ASIC2: variants seen among roughly 807,000 people sequenced by gnomAD.
ASIC2 encodes acid sensing ion channel subunit 2.
Under a neutral mutation model 57.3 loss-of-function variants are expected in ASIC2, and 25 were observed. The ratio of observed to expected loss-of-function variants is 0.44; its 90% CI spans 0.32 to 0.61. The LOEUF (loss-of-function observed/expected upper bound fraction) is 0.61. ASIC2 is among the 20% of genes least tolerant of loss of function. ASIC2 has a pLI of 0.06. For synonymous variants in ASIC2, 319 were observed against 307.5 expected, an observed-to-expected ratio of 1.04 and a Z score of -0.39; for missense variants, 641 against 738.1, an observed-to-expected ratio of 0.87 and a Z score of 1.52.
intron 1 of ASIC2, among the ~76,000 whole-genome samples, chr17:33,739,897 A>G (rs4283267): frequency 7.1e-6 from 1 of 141,278 alleles, no homozygotes; most frequent in East Asian, 2.1e-4. Context: ...AAAGAAAAGA[A>G]AAAAGAGAAA....
chr17:34,147,689 G>T (rs1396622807), intron 1 of ASIC2, among the ~76,000 whole-genome samples: 2 of 152,188 alleles, frequency 1.3e-5, no homozygotes, highest in African/African-American at 4.8e-5. Flanking sequence ...CTTGGTCTCA[G>T]GTTGTAATAG....
rs531772483 is a variant in ASIC2, at chr17:33,013,225, A to T, written c.*740T>A. The T allele has an allele frequency of 2.0e-5, 3 of 152,470 alleles. No individual in the cohort carries two copies. Among genetic ancestry groups the T allele is most frequent in the African/African-American group, 7.2e-5 (3 of 41,582 alleles). The allele number at this position is 152,470 out of a possible 1,614,324, so 9.4% of individuals were successfully genotyped here. A position where few individuals can be genotyped will look rare whatever the true frequency, so the allele number is the denominator to read the frequency against. ...GCATAAAATGAAGCAAAACAAAACA[A>T]ATCTCCATCGGACAAACATAAAAGC... On this transcript the variant is annotated 3_prime_UTR_variant, in exon 10 of 10. Transcript: ENST00000225823.
intron 1 of ASIC2, among the ~76,000 whole-genome samples, chr17:33,367,987 A>G (rs1224743177): frequency 3.3e-5 from 5 of 152,218 alleles, no homozygotes; most frequent in Admixed American, 3.3e-4. Context: ...AGACAGTACC[A>G]CAGAGAGAAG....
chr17:33,578,338 T>C (rs543704950), intron 1 of ASIC2, among the ~76,000 whole-genome samples: 15 of 152,328 alleles, frequency 9.8e-5, no homozygotes, highest in Middle Eastern at 3.4e-3. Flanking sequence ...CAAGCTGACA[T>C]TTCAATTCTC....
intron 1 of ASIC2, among the ~76,000 whole-genome samples, chr17:33,550,256 C>T (rs1247647004): frequency 6.6e-6 from 1 of 152,190 alleles, no homozygotes; most frequent in East Asian, 1.9e-4. Flanking sequence ...CGATCTCAAG[C>T]AGTGTTGTTC....
intron 1 of ASIC2, among the ~76,000 whole-genome samples, chr17:33,192,016 C>T (rs542816799): frequency 6.6e-6 from 1 of 152,294 alleles, no homozygotes; most frequent in African/African-American, 2.4e-5. Flanking sequence ...GTTTTCTACT[C>T]CTTCCCCACT....
intron 1 of ASIC2, among the ~76,000 whole-genome samples, chr17:33,410,815 C>T (rs941880488): frequency 2.0e-5 from 3 of 152,160 alleles, no homozygotes; most frequent in Non-Finnish European, 4.4e-5. Context: ...TCCTCTGTAG[C>T]TCTTTGTGGG....
intron 1 of ASIC2, among the ~76,000 whole-genome samples, chr17:33,689,859 G>A (rs1908312999): frequency 1.3e-5 from 2 of 152,192 alleles, no homozygotes; most frequent in African/African-American, 2.4e-5. Context: ...CACAAGCCAA[G>A]GAAGCTAAGT....
chr17:33,571,674 T>A (rs143250693), intron 1 of ASIC2, among the ~76,000 whole-genome samples: 77 of 152,380 alleles, frequency 5.1e-4, no homozygotes, highest in African/African-American at 1.8e-3. Flanking sequence ...GTCTTCTATA[T>A]GCCCTGAGAG....
rs923026802 is a variant in ASIC2, at chr17:33,229,014, G to T, written c.708+62394C>A. 6.6e-5 allele frequency among the ~76,000 whole-genome samples: 10 copies of T among 152,336 alleles called. No individual in the cohort carries two copies. In the East Asian group the frequency reaches 1.7e-3, roughly 26 times the overall value. Reference sequence around the variant, plus strand: ...ATGCTCAGCAAGTTAGGCAGAGACTGAGAAGTTTCATCCAGAGGAGGAGCC... The same window carrying T: ...ATGCTCAGCAAGTTAGGCAGAGACTTAGAAGTTTCATCCAGAGGAGGAGCC... On this transcript the variant is annotated intron_variant, in intron 1 of 9. Coordinates refer to ENST00000225823, the MANE Select transcript of ASIC2 (RefSeq NM_183377.2).
At chr17:33,677,330 A>G (rs1907857631) in intron 1 of ASIC2, among the ~76,000 whole-genome samples, 1 of 152,204 alleles carries the variant, frequency 6.6e-6, no homozygotes, top group Non-Finnish European at 1.5e-5. Flanking sequence ...GTTGAAGCCA[A>G]TGCTCATTCA....
At chr17:33,351,763 G>A (rs968115034) in intron 1 of ASIC2, among the ~76,000 whole-genome samples, 1 of 152,282 alleles carries the variant, frequency 6.6e-6, no homozygotes. Flanking sequence ...CTGTGTTTAT[G>A]ATTCTTGGGC....
chr17:33,673,395 A>G (rs541271492), intron 1 of ASIC2, among the ~76,000 whole-genome samples: 1 of 152,238 alleles, frequency 6.6e-6, no homozygotes, highest in Non-Finnish European at 1.5e-5. Flanking sequence ...CTTGAAGCAC[A>G]CACTGTTTTA....
At chr17:33,407,028 G>T (rs1553499) in intron 1 of ASIC2, among the ~76,000 whole-genome samples, 94,996 of 152,102 alleles carry the variant, frequency 0.62, 30,039 homozygotes, top group Non-Finnish European at 0.65. Context: ...GCTTCCTAGA[G>T]CTACCATTTT....
rs111590453 is a variant in ASIC2 at position 33,051,815 on chromosome 17, T to C, written c.988-23423A>G. Among the ~76,000 whole-genome samples the C allele has an allele frequency of 7.0e-3, 1,064 of 152,346 alleles. 15 individuals are homozygous for C. The highest frequency in any genetic ancestry group is 0.023 in the African/African-American group (952 of 41,568). On this transcript the variant is annotated intron_variant, in intron 3 of 9. Transcript: ENST00000225823. ...TTGGCAAAAGAGGACAGAAAAATTT[T>C]GTCTGCCTTAAGAAAATCCAGTCTG... is the stretch of plus-strand genomic sequence containing the variant.
intron 1 of ASIC2, among the ~76,000 whole-genome samples, chr17:33,714,296 A>G (rs1337556286): frequency 6.6e-6 from 1 of 152,236 alleles, no homozygotes; most frequent in Non-Finnish European, 1.5e-5. Flanking sequence ...TGAAGCATGT[A>G]AAAGAACGTT....
At chr17:33,067,463 G>C (rs566807936) in intron 3 of ASIC2, among the ~76,000 whole-genome samples, 2 of 152,264 alleles carry the variant, frequency 1.3e-5, no homozygotes, top group East Asian at 3.9e-4. Context: ...AAAGATAAAA[G>C]GGCAGGCAAG....
intron 1 of ASIC2, among the ~76,000 whole-genome samples, chr17:34,029,833 C>CTA (rs1907523343): frequency 6.6e-6 from 1 of 152,176 alleles, no homozygotes; most frequent in Non-Finnish European, 1.5e-5. Context: ...AGCCACCTGT[C>CTA]TATGGTATTT....
At chr17:33,965,454 C>G (rs1178073395) in intron 1 of ASIC2, among the ~76,000 whole-genome samples, 1 of 152,050 alleles carries the variant, frequency 6.6e-6, no homozygotes, top group East Asian at 1.9e-4. Context: ...AATATAAAGC[C>G]AAGCATGAAA....
Sources: allele counts gnomAD v4.1 joint callset (sites outside exome capture counted in the v4.1 genomes callset), GRCh38; gene constraint gnomAD v4.1.1; transcripts MANE v1.5; gene names NCBI Gene and HGNC (gene_info 2026-07-23, HGNC 2026-07-21).